TYW1: variants seen among roughly 807,000 people sequenced by gnomAD.
TYW1 encodes the protein tRNA-yW synthesizing protein 1 homolog.
Under a neutral mutation model 96.2 loss-of-function variants are expected in TYW1, and 46 were observed. That is an observed-to-expected ratio of 0.48 (90% CI 0.38 to 0.61). TYW1 has a LOEUF of 0.61. TYW1 is among the 20% of genes least tolerant of loss of function. The probability of loss-of-function intolerance (pLI) is 0.00; values close to 1 mark genes in which losing one functional copy is unlikely to be tolerated. For missense variants in TYW1, 684 were observed against 909.6 expected (o/e 0.75, Z 3.19); for synonymous variants, 274 against 323.0 (o/e 0.85, Z 1.63).
chr7:67,013,910 A>T (rs565287363), intron 4 of TYW1, among the ~76,000 whole-genome samples: 2 of 151,358 alleles, frequency 1.3e-5, no homozygotes, highest in South Asian at 4.2e-4. Context: ...CGCCCGGCTA[A>T]TTTTTTGTAT....
intron 7 of TYW1, among the ~76,000 whole-genome samples, chr7:67,039,786 CT>C (rs2129255128): frequency 6.6e-6 from 1 of 151,596 alleles, no homozygotes; most frequent in South Asian, 2.1e-4. Flanking sequence ...CCTCAGCCTC[CT>C]GAGTAGCTGG....
intron 13 of TYW1, among the ~76,000 whole-genome samples, chr7:67,130,562 G>A (rs1798039318): frequency 6.6e-6 from 1 of 151,854 alleles, no homozygotes; most frequent in South Asian, 2.1e-4. Flanking sequence ...TACTCGGGAG[G>A]CTGAGGCAGG....
rs1795674513 is a variant in TYW1 at position 67,060,892 on chromosome 7, T to C, written c.1155+5005T>C. 3.3e-5 allele frequency among the ~76,000 whole-genome samples: 5 copies of C among 152,286 alleles called. No homozygotes were observed. The South Asian group carries it at 1.0e-3, about 32-fold the overall frequency. On this transcript the variant is annotated intron_variant, in intron 9 of 15. Coordinates refer to ENST00000359626, the MANE Select transcript of TYW1 (RefSeq NM_018264.4). ...CATTGGGCAGTTGGGTGAACCTTTTTTGTGGTTCATAAATCAGACATGAGG... is the reference window on the plus strand; with the variant it reads ...CATTGGGCAGTTGGGTGAACCTTTTCTGTGGTTCATAAATCAGACATGAGG...
At chr7:67,013,250 G>A (rs1215610942) in intron 4 of TYW1, among the ~76,000 whole-genome samples, 1 of 151,892 alleles carries the variant, frequency 6.6e-6, no homozygotes, top group Non-Finnish European at 1.5e-5. Context: ...AGCCTCCCGA[G>A]TAGCTGGAAC....
At chr7:66,997,826 A>G (rs1793239074) in intron 1 of TYW1, among the ~76,000 whole-genome samples, 2 of 148,272 alleles carry the variant, frequency 1.3e-5, no homozygotes, top group Non-Finnish European at 2.9e-5. Context: ...GCGGGGTTTC[A>G]CCATGTTGGC....
At chr7:67,131,512 A>G (rs1798073596) in intron 13 of TYW1, among the ~76,000 whole-genome samples, 1 of 152,184 alleles carries the variant, frequency 6.6e-6, no homozygotes, top group African/African-American at 2.4e-5. Flanking sequence ...GGGAATCAGT[A>G]TCCTGTAATT....
chr7:66,999,115 C>G (rs1023446196), intron 3 of TYW1, among the ~76,000 whole-genome samples, 161 bp downstream of exon 3: 1 of 152,120 alleles, frequency 6.6e-6, no homozygotes, highest in Non-Finnish European at 1.5e-5. Context: ...AAATATTTTT[C>G]CATTCTGTGA....
At chr7:67,156,776 G>A (rs912601821) in intron 13 of TYW1, among the ~76,000 whole-genome samples, 5 of 151,814 alleles carry the variant, frequency 3.3e-5, no homozygotes, top group Non-Finnish European at 7.4e-5. Flanking sequence ...ACGGTGCTGT[G>A]ATGTAGTTGC....
chr7:67,195,226 C>T lies in TYW1; in HGVS notation c.1866C>T (p.Pro622=), dbSNP rs758338961. ...SASSLTMAHV[P]WHEEVVQFVH... is the part of the protein sequence containing the mutation. ...GCAGTCTTACCATGGCCCACGTGCC[C>T]TGGCATGAGGAAGTGGTACAGTTTG... Residue 622 remains proline (P), a synonymous_variant, in exon 15 of 16, where the codon CCC becomes CCT. Transcript: ENST00000359626. 1.2e-6 allele frequency: 2 copies of T among 1,613,794 alleles called. No homozygotes were observed. The highest frequency in any genetic ancestry group is 2.2e-5 in the South Asian group (2 of 91,058).
chr7:67,084,811 T>C (rs1308933277), intron 11 of TYW1, among the ~76,000 whole-genome samples: 1 of 152,162 alleles, frequency 6.6e-6, no homozygotes, highest in African/African-American at 2.4e-5. Flanking sequence ...CACCTGAGAA[T>C]GTGCATTTCT....
intron 15 of TYW1, among the ~76,000 whole-genome samples, chr7:67,214,593 AT>A (rs1336066981): frequency 6.6e-6 from 1 of 152,184 alleles, no homozygotes; most frequent in Non-Finnish European, 1.5e-5. Flanking sequence ...TAATGGGGGA[AT>A]ATCTAGCTTC....
chr7:67,093,461 C>T (rs964986028), intron 11 of TYW1, among the ~76,000 whole-genome samples: 5 of 152,084 alleles, frequency 3.3e-5, no homozygotes, highest in Admixed American at 6.5e-5. Flanking sequence ...AGGGCCTAGC[C>T]GATGCTCCTT....
chr7:67,151,042 ATTC>A (rs569803211), intron 13 of TYW1, among the ~76,000 whole-genome samples: 9 of 147,510 alleles, frequency 6.1e-5, no homozygotes, highest in East Asian at 3.9e-4. Flanking sequence ...CTGCCATTAT[ATTC>A]TTCTTCTTTT....
At chr7:67,017,220 C>G (rs1375412864) in intron 5 of TYW1, among the ~76,000 whole-genome samples, 1 of 152,072 alleles carries the variant, frequency 6.6e-6, no homozygotes. Flanking sequence ...TGGCCTGAAA[C>G]AATCTGCCTG....
At chr7:67,203,513 GGCAT>G (rs769671836) in intron 15 of TYW1, among the ~76,000 whole-genome samples, 15 of 151,884 alleles carry the variant, frequency 9.9e-5, no homozygotes, top group Non-Finnish European at 1.2e-4. Context: ...TACTGGTGTC[GGCAT>G]GTTAGCAGTT....
chr7:67,038,072 G>A (rs574025081), intron 7 of TYW1, among the ~76,000 whole-genome samples: 21 of 152,122 alleles, frequency 1.4e-4, no homozygotes, highest in African/African-American at 4.3e-4. Flanking sequence ...AGGCCGAGGC[G>A]GGCAGATCAC....
rs1217180260 is a variant in TYW1 at position 67,009,564 on chromosome 7, T to G, written c.274-19T>G. On this transcript the variant is annotated intron_variant, in intron 3 of 15. Coordinates refer to ENST00000359626, the MANE Select transcript of TYW1 (RefSeq NM_018264.4). ...GGCTCATTGAAGACTTTATTTGATG[T>G]TTTTTTTGGTCCTATTAGGGATTCG... 1 of 1,578,498 alleles carries G rather than the reference T, an allele frequency of 6.3e-7. No individual in the cohort carries two copies. Among genetic ancestry groups the G allele is most frequent in the Non-Finnish European group, 8.6e-7 (1 of 1,159,264 alleles).
chr7:67,054,929 G>T (rs1260316426), intron 8 of TYW1, among the ~76,000 whole-genome samples: 3 of 152,212 alleles, frequency 2.0e-5, no homozygotes, highest in African/African-American at 7.2e-5. Flanking sequence ...TAGTGCTACT[G>T]AGAATTCACG....
chr7:67,059,536 C>T (rs1350098449), intron 9 of TYW1, among the ~76,000 whole-genome samples: 1 of 150,490 alleles, frequency 6.6e-6, no homozygotes, highest in Admixed American at 6.7e-5. Flanking sequence ...GGGCAGATGA[C>T]GTTGGCAGAG....
Sources: gnomAD v4.1 joint callset for allele counts (sites outside exome capture counted in the v4.1 genomes callset) on GRCh38, gnomAD v4.1.1 for gene constraint, MANE v1.5 for transcripts, NCBI Gene and HGNC (gene_info 2026-07-23, HGNC 2026-07-21) for gene names.